The following CEP85 variants were observed in gnomAD, a reference collection of about 807,000 sequenced individuals.
The protein encoded by CEP85 is centrosomal protein of 85 kDa.
CEP85 carries 58 observed loss-of-function variants against 93.7 expected under a neutral mutation model. That is an observed-to-expected ratio of 0.62 (90% confidence interval 0.50 to 0.77). The LOEUF is 0.77. CEP85 is among the 30% of genes least tolerant of loss of function. The pLI is 0.00. For missense variants in CEP85, 868 were observed against 922.0 expected (o/e 0.94, Z 0.76); for synonymous variants, 314 against 338.6 (o/e 0.93, Z 0.80).
chr1:26,235,800 G>A (rs1164685029), intron 1 of CEP85, among the ~76,000 whole-genome samples: 2 of 152,014 alleles, frequency 1.3e-5, no homozygotes, highest in African/African-American at 4.8e-5. Context: ...TCAAACTCCC[G>A]ACCTCAGGTG....
chr1:26,248,384 T>TGA (rs1256537230), intron 3 of CEP85, among the ~76,000 whole-genome samples: 5 of 152,226 alleles, frequency 3.3e-5, no homozygotes, highest in Non-Finnish European at 7.3e-5. Flanking sequence ...ATTGTGTGTG[T>TGA]GACTCTCTTT....
At chr1:26,253,627 G>T (rs2089652680) in intron 3 of CEP85, among the ~76,000 whole-genome samples, 1 of 151,742 alleles carries the variant, frequency 6.6e-6, no homozygotes, top group African/African-American at 2.4e-5. Flanking sequence ...CTGACCTCAT[G>T]ATCCCCCCTC....
intron 3 of CEP85, among the ~76,000 whole-genome samples, chr1:26,251,493 C>T (rs2089614951): frequency 1.3e-5 from 2 of 152,082 alleles, no homozygotes; most frequent in East Asian, 1.9e-4. Flanking sequence ...TCAGGTGATC[C>T]GCCCACCTCA....
rs376322536 is a variant in CEP85, at chr1:26,249,186, A to T, written c.208+4868A>T. On this transcript the variant is annotated intron_variant, in intron 3 of 13. Coordinates refer to ENST00000451429, the MANE Select transcript of CEP85 (RefSeq NM_001319944.2). ...AACCTCCGCCTCCCGGGTTCAAGCG[A>T]TTCTTCTGCCTCAGCCTTCTGAGTA... Among the ~76,000 whole-genome samples, 237 of 152,266 alleles carry T rather than the reference A, an allele frequency of 1.6e-3. 2 individuals carry two copies. The Middle Eastern group carries it at 0.02, about 13-fold the overall frequency.
intron 3 of CEP85, 142 bp from the exon 4 acceptor site, chr1:26,255,029 C>T (rs147800443): frequency 8.5e-6 from 6 of 707,050 alleles, no homozygotes; most frequent in East Asian, 7.4e-5. Context: ...GTTTGGTTGC[C>T]GTTTCTTTCT....
Position 26,255,368 on chromosome 1 carries a change from G to T in CEP85, c.406G>T (p.Gly136Cys), listed in dbSNP as rs141749569. The T allele has an allele frequency of 6.2e-7, 1 of 1,613,942 alleles. No individual in the cohort carries two copies. The highest frequency in any genetic ancestry group is 1.7e-5 in the Admixed American group (1 of 59,980). Residue 136 changes from glycine (G) to cysteine (C), a missense_variant, in exon 4 of 14, where the codon GGT becomes TGT. Gly to Cys is a radical substitution (Grantham distance 159, BLOSUM62 -3). Transcript: ENST00000451429. ...GGGAATGACAAGAAATGGAGACCTC[G>T]GTGCAATGAAACATTCTCCAGGCCT... ...SVGMTRNGDL[G>C]AMKHSPGLSR...
At chr1:26,254,937 TA>T in intron 3 of CEP85, 1 of 551,478 alleles carries the variant, frequency 1.8e-6, no homozygotes, top group East Asian at 2.8e-5. Context: ...TACAAAGGAC[TA>T]AGTTAAAAGT....
At position 26,258,222 on chromosome 1, in the gene CEP85, C is replaced by G; in HGVS notation, c.1117C>G (p.Pro373Ala). 6.2e-7 allele frequency: 1 copy of G among 1,614,020 alleles called. No individual in the cohort carries two copies. Among genetic ancestry groups the G allele is most frequent in the Non-Finnish European group, 8.5e-7 (1 of 1,179,906 alleles). Reference protein sequence around the residue: ...LQVHSALLGRPAPFGDVCLLR... With the variant: ...LQVHSALLGRAAPFGDVCLLR... The stretch of plus-strand genomic sequence containing the variant: ...AGTCCACAGTGCCCTCTTGGGCCGC[C>G]CTGCCCCCTTTGGTGATGTCTGCTT... The change falls in exon 6 of 14, where the codon CCT (proline) becomes GCT (alanine). Residue 373 changes from proline (P) to alanine (A), a missense_variant. Pro to Ala is a conservative substitution (Grantham distance 27). Transcript: ENST00000451429.
chr1:26,259,140 T>C (rs189992759), intron 6 of CEP85, among the ~76,000 whole-genome samples: 3 of 152,336 alleles, frequency 2.0e-5, no homozygotes, highest in East Asian at 3.9e-4. Flanking sequence ...ATAAAACTAG[T>C]TAATTCTTCG....
In CEP85 at chr1:26,264,212, T is replaced by C. The variant is rs1403858039; in HGVS notation, c.1342-4271T>C. Among the ~76,000 whole-genome samples, 5 of 152,304 alleles carry C rather than the reference T, an allele frequency of 3.3e-5. No individual in the cohort carries two copies. The East Asian group carries it at 5.8e-4, about 18-fold the overall frequency. ...GTCTTTCATGTTAGAGGCCTGGTGA[T>C]CATTGAATGGATGGGCATTCATATT... On this transcript the variant is annotated intron_variant, in intron 7 of 13. Transcript: ENST00000451429.
At chr1:26,269,104 C>T (rs963659415) in intron 8 of CEP85, among the ~76,000 whole-genome samples, 2 of 152,236 alleles carry the variant, frequency 1.3e-5, no homozygotes, top group African/African-American at 4.8e-5. Context: ...CTGTTCCTAA[C>T]TGTCCTTCCC....
intron 7 of CEP85, among the ~76,000 whole-genome samples, chr1:26,266,177 C>A (rs2124601109): frequency 6.6e-6 from 1 of 150,440 alleles, no homozygotes; most frequent in East Asian, 2.0e-4. Flanking sequence ...CCACTGCACT[C>A]CAGCCTGGGC....
chr1:26,254,692 T>C, intron 3 of CEP85: 1 of 168,654 alleles, frequency 5.9e-6, no homozygotes, highest in South Asian at 1.5e-4. Context: ...TAGTTTGGAC[T>C]CGTTGCTCAC....
intron 3 of CEP85, among the ~76,000 whole-genome samples, chr1:26,246,083 CTT>C (rs2089505545): frequency 6.6e-6 from 1 of 152,052 alleles, no homozygotes; most frequent in Non-Finnish European, 1.5e-5. Flanking sequence ...TCTGTGCACT[CTT>C]TTTAAATTGT....
chr1:26,276,430 C>A, intron 12 of CEP85, 105 bp from the exon 13 acceptor site: 3 of 836,442 alleles, frequency 3.6e-6, no homozygotes, highest in Non-Finnish European at 5.9e-6. Flanking sequence ...GAAGGAGGGA[C>A]ACTGCCTATG....
intron 2 of CEP85, among the ~76,000 whole-genome samples, chr1:26,243,469 A>G (rs2089459413): frequency 6.6e-6 from 1 of 152,130 alleles, no homozygotes; most frequent in African/African-American, 2.4e-5. Flanking sequence ...TGGGTTTTGG[A>G]ATCAGAAAGA....
intron 9 of CEP85, 38 bp downstream of exon 9, chr1:26,269,652 A>G (rs751580699): frequency 6.4e-7 from 1 of 1,565,630 alleles, no homozygotes; most frequent in South Asian, 1.1e-5. Flanking sequence ...GTGGAGAGTT[A>G]AGTTTTTTGT....
At chr1:26,263,354 C>T in intron 7 of CEP85, 1 of 262,812 alleles carries the variant, frequency 3.8e-6, no homozygotes, top group Non-Finnish European at 7.6e-6. Flanking sequence ...TAGTCTCTGG[C>T]TGCGGCATGG....
chr1:26,255,313 A>C lies in CEP85; in HGVS notation c.351A>C (p.Lys117Asn), dbSNP rs182615325. The C allele has an allele frequency of 1.2e-6, 2 of 1,613,686 alleles. No individual in the cohort carries two copies. The highest frequency in any genetic ancestry group is 2.7e-5 in the African/African-American group (2 of 74,874). The stretch of plus-strand genomic sequence containing the variant: ...CACCTGTTGGACCCTCTTCCTCTAA[A>C]CTCCCTTTGTCAGGGTTGGCTGAAA... The part of the protein sequence containing the change: ...NSTPVGPSSS[K>N]LPLSGLAESV... Residue 117 changes from lysine to asparagine, a missense_variant, in exon 4 of 14, where the codon AAA becomes AAC. Physicochemically the swap from Lys to Asn is moderately conservative, Grantham distance 94. Coordinates refer to ENST00000451429, the MANE Select transcript of CEP85 (RefSeq NM_001319944.2).
Sources: gnomAD v4.1 joint callset for allele counts (sites outside exome capture counted in the v4.1 genomes callset) on GRCh38, gnomAD v4.1.1 for gene constraint, MANE v1.5 for transcripts, NCBI Gene and HGNC (gene_info 2026-07-23, HGNC 2026-07-21) for gene names.